Variants in PTPRK observed in about 807,000 individuals in gnomAD.
PTPRK encodes receptor-type tyrosine-protein phosphatase kappa.
A neutral mutation model predicts 178.0 loss-of-function variants in PTPRK; 75 were observed. The ratio of observed to expected loss-of-function variants is 0.42; its 90% CI spans 0.35 to 0.51. The LOEUF (loss-of-function observed/expected upper bound fraction) is 0.51. Ranked by LOEUF, PTPRK falls within the 20% of genes least tolerant of loss-of-function variation. PTPRK has a pLI of 0.02. For synonymous variants in PTPRK, 637 were observed against 620.6 expected (o/e 1.03, Z -0.39); for missense variants, 1,441 against 1,797.8 (o/e 0.80, Z 3.59).
In PTPRK at chr6:128,108,921, G is replaced by A. The variant is rs142470407; in HGVS notation, c.1163-18929C>T. ...TCTGATAAGGACACTAATATAACAG[G>A]TGTTGCATCCTTATACTACATTTAA... is the stretch of plus-strand genomic sequence containing the variant. On this transcript the variant is annotated intron_variant, in intron 7 of 29. Transcript: ENST00000368226. Among the ~76,000 whole-genome samples, 671 of 152,144 alleles carry A rather than the reference G, an allele frequency of 4.4e-3. 4 individuals are homozygous for A. The highest frequency in any genetic ancestry group is 7.0e-3 in the Non-Finnish European group (476 of 67,988).
intron 3 of PTPRK, among the ~76,000 whole-genome samples, chr6:128,307,243 GA>G (rs1169151821): frequency 1.4e-5 from 2 of 142,300 alleles, no homozygotes; most frequent in African/African-American, 2.6e-5. Context: ...GAGAAACAAA[GA>G]AAAAAACACA....
rs150985952 is a variant in PTPRK at position 128,067,684 on chromosome 6, C to T, written c.1992G>A (p.Gly664=). 2.6e-4 allele frequency: 415 copies of T among 1,613,650 alleles called. 1 individual carries two copies. The highest frequency in any genetic ancestry group is 2.0e-3 in the East Asian group (89 of 44,866). The change falls in exon 12 of 30, where the codon GGG becomes GGA. Residue 664 remains glycine (G), a synonymous_variant. Transcript: ENST00000368226. ...VPVTYQNAMS[G]GAPYYFAAEL... The stretch of plus-strand genomic sequence containing the variant: ...CTGCAGCAAAGTAATACGGTGCACC[C>T]CCACTCATGGCATTTTGGTATGTGA...
intron 13 of PTPRK, among the ~76,000 whole-genome samples, chr6:128,031,131 C>T (rs1775257303): frequency 6.6e-6 from 1 of 152,170 alleles, no homozygotes; most frequent in South Asian, 2.1e-4. Flanking sequence ...AGCACAGACA[C>T]AGTAGCTGAA....
chr6:128,392,965 T>C (rs961186815), intron 2 of PTPRK, among the ~76,000 whole-genome samples: 1 of 152,150 alleles, frequency 6.6e-6, no homozygotes, highest in East Asian at 1.9e-4. Flanking sequence ...AGGAAAAACA[T>C]CTTGTTTAAT....
At chr6:128,085,683 G>A (rs947700887) in intron 8 of PTPRK, among the ~76,000 whole-genome samples, 1 of 152,200 alleles carries the variant, frequency 6.6e-6, no homozygotes, top group Admixed American at 6.5e-5. Context: ...GAATTGGGAA[G>A]TACCTTCCCT....
chr6:128,148,410 T>A (rs1053008628), intron 7 of PTPRK, among the ~76,000 whole-genome samples: 2 of 152,148 alleles, frequency 1.3e-5, no homozygotes, highest in African/African-American at 4.8e-5. Context: ...AAATTCCAGA[T>A]AGTAATAATA....
At chr6:128,304,323 C>A (rs540143603) in intron 3 of PTPRK, among the ~76,000 whole-genome samples, 13 of 152,068 alleles carry the variant, frequency 8.5e-5, no homozygotes, top group Non-Finnish European at 1.8e-4. Context: ...TCAGGGAGGC[C>A]CAACTTTAGC....
At chr6:128,082,208 AT>A (rs892853757) in intron 10 of PTPRK, among the ~76,000 whole-genome samples, 6 of 152,196 alleles carry the variant, frequency 3.9e-5, no homozygotes, top group African/African-American at 1.4e-4. Flanking sequence ...ATTTAGTATA[AT>A]TTTTTTAAGA....
chr6:127,983,780 C>T (rs982685039), intron 22 of PTPRK, among the ~76,000 whole-genome samples: 2 of 152,038 alleles, frequency 1.3e-5, no homozygotes, highest in Non-Finnish European at 2.9e-5. Flanking sequence ...CCTCTGGCAA[C>T]AATGTGAGAA....
chr6:128,295,071 A>C (rs1422905285), intron 3 of PTPRK, among the ~76,000 whole-genome samples: 1 of 152,108 alleles, frequency 6.6e-6, no homozygotes, highest in African/African-American at 2.4e-5. Flanking sequence ...TTAAGTCAGT[A>C]ATATGTGATT....
At chr6:128,134,578 A>G (rs1794735160) in intron 7 of PTPRK, among the ~76,000 whole-genome samples, 1 of 152,160 alleles carries the variant, frequency 6.6e-6, no homozygotes, top group Admixed American at 6.5e-5. Context: ...AGGGAGGCCG[A>G]GGCAGGCTGA....
chr6:128,272,948 T>C (rs1204063692), intron 3 of PTPRK, among the ~76,000 whole-genome samples: 1 of 152,174 alleles, frequency 6.6e-6, no homozygotes, highest in Admixed American at 6.5e-5. Flanking sequence ...AGCAAAGACT[T>C]GGAACCAACC....
chr6:128,136,615 T>C (rs901303759), intron 7 of PTPRK, among the ~76,000 whole-genome samples: 7 of 152,228 alleles, frequency 4.6e-5, no homozygotes, highest in African/African-American at 1.7e-4. Context: ...GCTAGGTACC[T>C]GTCTGCAAAA....
At chr6:128,107,377 T>C (rs1789896834) in intron 7 of PTPRK, among the ~76,000 whole-genome samples, 1 of 152,144 alleles carries the variant, frequency 6.6e-6, no homozygotes. Context: ...TAAGGAAAAC[T>C]ATAATTCAAT....
chr6:128,265,292 G>A (rs997931058), intron 3 of PTPRK, among the ~76,000 whole-genome samples: 2 of 151,990 alleles, frequency 1.3e-5, no homozygotes, highest in Non-Finnish European at 2.9e-5. Context: ...TACATGAGGT[G>A]GCAAATATAC....
At chr6:128,371,205 A>G (rs1836230810) in intron 2 of PTPRK, among the ~76,000 whole-genome samples, 1 of 152,198 alleles carries the variant, frequency 6.6e-6, no homozygotes, top group Non-Finnish European at 1.5e-5. Flanking sequence ...CAATTATTAT[A>G]CTGTCGATTC....
chr6:128,407,409 G>A (rs1212815950), intron 1 of PTPRK, among the ~76,000 whole-genome samples: 1 of 151,932 alleles, frequency 6.6e-6, no homozygotes. Flanking sequence ...AGACAGAGGG[G>A]TTAGATTTCT....
chr6:128,356,723 A>G (rs1168913301), intron 2 of PTPRK, among the ~76,000 whole-genome samples: 1 of 152,200 alleles, frequency 6.6e-6, no homozygotes. Flanking sequence ...TGGCTTCACC[A>G]TCAATTCATT....
chr6:128,411,081 CAG>C (rs1842259364), intron 1 of PTPRK, among the ~76,000 whole-genome samples: 1 of 152,088 alleles, frequency 6.6e-6, no homozygotes, highest in Non-Finnish European at 1.5e-5. Context: ...TTTGTAGAGA[CAG>C]GGTGCTGCCA....
Sources: gnomAD v4.1 joint callset for allele counts (sites outside exome capture counted in the v4.1 genomes callset) on GRCh38, gnomAD v4.1.1 for gene constraint, MANE v1.5 for transcripts, NCBI Gene and HGNC (gene_info 2026-07-23, HGNC 2026-07-21) for gene names.